Variants in DOK6 observed in about 807,000 individuals in gnomAD.
The protein encoded by DOK6 is downstream of tyrosine kinase 6.
Under a neutral mutation model 44.0 loss-of-function variants are expected in DOK6, and 22 were observed. The observed-to-expected ratio is 0.50, with a 90% CI of 0.36 to 0.71. The LOEUF (loss-of-function observed/expected upper bound fraction) is 0.71. DOK6 is among the 30% of genes least tolerant of loss of function. The pLI is 0.00. For synonymous variants in DOK6, 166 were observed against 145.5 expected (o/e 1.14, Z -1.01); for missense variants, 340 against 416.4 (o/e 0.82, Z 1.60).
At chr18:69,496,911 A>T (rs2144544905) in intron 1 of DOK6, among the ~76,000 whole-genome samples, 1 of 152,330 alleles carries the variant, frequency 6.6e-6, no homozygotes, top group South Asian at 2.1e-4. Context: ...TGTAAATAAT[A>T]TGGAGTCAGG....
At chr18:69,591,621 A>G (rs1185898154) in intron 2 of DOK6, among the ~76,000 whole-genome samples, 2 of 152,116 alleles carry the variant, frequency 1.3e-5, no homozygotes, top group African/African-American at 4.8e-5. Context: ...AAAAATATGT[A>G]TAATAAAATA....
intron 5 of DOK6, among the ~76,000 whole-genome samples, chr18:69,735,311 G>C (rs1330036304): frequency 6.6e-6 from 1 of 152,226 alleles, no homozygotes; most frequent in African/African-American, 2.4e-5. Context: ...AGCACATGCT[G>C]TCAGTGTCAG....
intron 1 of DOK6, among the ~76,000 whole-genome samples, chr18:69,404,830 CAAGT>C (rs768989810): frequency 1.7e-4 from 25 of 151,510 alleles, no homozygotes; most frequent in African/African-American, 4.9e-4. Flanking sequence ...GGTACACACT[CAAGT>C]AATCAAATTA....
chr18:69,449,401 G>C (rs1009020015), intron 1 of DOK6, among the ~76,000 whole-genome samples: 1 of 152,074 alleles, frequency 6.6e-6, no homozygotes, highest in African/African-American at 2.4e-5. Flanking sequence ...TAAGACCAAA[G>C]AAAGAAAATA....
intron 3 of DOK6, among the ~76,000 whole-genome samples, chr18:69,666,435 TA>T (rs1326406119): frequency 2.0e-5 from 3 of 150,502 alleles, no homozygotes; most frequent in Non-Finnish European, 4.4e-5. Flanking sequence ...TTATTTCTTT[TA>T]TTTTTTTTTA....
rs184233118 is a variant in DOK6 at position 69,417,894 on chromosome 18, A to G, written c.66+16584A>G. Among the ~76,000 whole-genome samples, 90 of 152,166 alleles carry G rather than the reference A, an allele frequency of 5.9e-4. 1 individual carries two copies. Among genetic ancestry groups the G allele is most frequent in the Admixed American group, 5.9e-3 (90 of 15,258 alleles). ...TATGTAGAACTTTTGCCCATTTTTAATCAGATTGTTTGTTTATATTGCTAT... is the reference window on the plus strand; with the variant it reads ...TATGTAGAACTTTTGCCCATTTTTAGTCAGATTGTTTGTTTATATTGCTAT... On this transcript the variant is annotated intron_variant, in intron 1 of 7. Coordinates refer to ENST00000382713, the MANE Select transcript of DOK6 (RefSeq NM_152721.6).
At chr18:69,516,356 A>G (rs532929788) in intron 1 of DOK6, among the ~76,000 whole-genome samples, 6 of 152,342 alleles carry the variant, frequency 3.9e-5, no homozygotes, top group African/African-American at 7.2e-5. Flanking sequence ...ATCCGATTAT[A>G]TAATGAGAGA....
intron 2 of DOK6, among the ~76,000 whole-genome samples, chr18:69,598,126 T>C (rs1983789453): frequency 6.6e-6 from 1 of 152,090 alleles, no homozygotes; most frequent in African/African-American, 2.4e-5. Context: ...TAATGTTAAA[T>C]ACAGATATAA....
intron 3 of DOK6, among the ~76,000 whole-genome samples, chr18:69,637,578 T>G (rs1234429617): frequency 6.6e-6 from 1 of 152,186 alleles, no homozygotes; most frequent in African/African-American, 2.4e-5. Context: ...TACATTAGTG[T>G]TCAAAGAATT....
rs548093833 is a variant in DOK6, at chr18:69,527,076, C to T, written c.67-37411C>T. Among the ~76,000 whole-genome samples the T allele has an allele frequency of 2.6e-5, 4 of 152,294 alleles. No homozygotes were observed. In the South Asian group the frequency reaches 8.3e-4, roughly 32 times the overall value. ...CCAGTACACATGTACAGTGGTTTAG[C>T]ATTGTTAATGTACTCTTGTATAAAA... On this transcript the variant is annotated intron_variant, in intron 1 of 7. Coordinates refer to ENST00000382713, the MANE Select transcript of DOK6 (RefSeq NM_152721.6).
intron 5 of DOK6, among the ~76,000 whole-genome samples, chr18:69,708,236 A>G (rs1430040013): frequency 6.6e-6 from 1 of 152,204 alleles, no homozygotes; most frequent in African/African-American, 2.4e-5. Context: ...ATATTTTAAT[A>G]ATAATCCTTT....
At chr18:69,465,305 T>C (rs1052127813) in intron 1 of DOK6, among the ~76,000 whole-genome samples, 1 of 152,088 alleles carries the variant, frequency 6.6e-6, no homozygotes, top group Non-Finnish European at 1.5e-5. Flanking sequence ...AAATAAAATT[T>C]ATTTTATTTT....
At chr18:69,548,977 T>C (rs12457870) in intron 1 of DOK6, among the ~76,000 whole-genome samples, 97,867 of 149,956 alleles carry the variant, frequency 0.65, 33,647 homozygotes, top group Non-Finnish European at 0.74. Context: ...CGCCTGTAGT[T>C]CCAGCTACTC....
chr18:69,562,609 G>A (rs562570053), intron 1 of DOK6, among the ~76,000 whole-genome samples: 1 of 152,272 alleles, frequency 6.6e-6, no homozygotes, highest in South Asian at 2.1e-4. Context: ...GTAGAAAGCT[G>A]AAACTGGATC....
intron 1 of DOK6, among the ~76,000 whole-genome samples, chr18:69,447,909 A>C (rs1171251813): frequency 6.6e-6 from 1 of 152,186 alleles, no homozygotes; most frequent in Non-Finnish European, 1.5e-5. Flanking sequence ...ACCTTTAAAG[A>C]CTTTTGGCAA....
intron 7 of DOK6, among the ~76,000 whole-genome samples, chr18:69,813,549 T>C (rs556669016): frequency 6.6e-6 from 1 of 152,280 alleles, no homozygotes; most frequent in South Asian, 2.1e-4. Flanking sequence ...GGAAACCCTC[T>C]AACCTTGATG....
chr18:69,630,470 T>G (rs1446053275), intron 3 of DOK6, among the ~76,000 whole-genome samples: 1 of 152,246 alleles, frequency 6.6e-6, no homozygotes, highest in South Asian at 2.1e-4. Context: ...TGAGGAAAGC[T>G]ATATATTTCT....
chr18:69,673,144 A>G (rs938843295), intron 3 of DOK6, among the ~76,000 whole-genome samples: 2 of 152,152 alleles, frequency 1.3e-5, no homozygotes, highest in Admixed American at 6.5e-5. Context: ...TCTTACTTGC[A>G]TCTTCTAATA....
At chr18:69,573,088 T>C (rs915131101) in intron 2 of DOK6, among the ~76,000 whole-genome samples, 12 of 151,708 alleles carry the variant, frequency 7.9e-5, no homozygotes, top group Admixed American at 2.0e-4. Context: ...TGTGTAATTA[T>C]AGGGTTTTGG....
Sources: gnomAD v4.1 joint callset for allele counts (sites outside exome capture counted in the v4.1 genomes callset) on GRCh38, gnomAD v4.1.1 for gene constraint, MANE v1.5 for transcripts, NCBI Gene and HGNC (gene_info 2026-07-23, HGNC 2026-07-21) for gene names.